Variants in XYLT1 observed in about 807,000 individuals in gnomAD.
XYLT1 encodes xylosyltransferase 1.
A neutral mutation model predicts 91.3 loss-of-function variants in XYLT1; 36 were observed. The ratio of observed to expected loss-of-function variants is 0.39; its 90% confidence interval spans 0.30 to 0.52. The LOEUF (loss-of-function observed/expected upper bound fraction) is 0.52, where lower values mean the gene tolerates loss of function less well. Ranked by LOEUF, XYLT1 falls within the 20% of genes least tolerant of loss-of-function variation. The pLI, the probability that XYLT1 is intolerant of heterozygous loss-of-function variation, is 0.68. For synonymous variants in XYLT1, 588 were observed against 532.0 expected (o/e 1.11, Z -1.45); for missense variants, 1,242 against 1,284.5 (o/e 0.97, Z 0.51).
intron 5 of XYLT1, among the ~76,000 whole-genome samples, chr16:17,164,765 T>C (rs2031639016): frequency 6.6e-6 from 1 of 152,254 alleles, no homozygotes; most frequent in Non-Finnish European, 1.5e-5. Context: ...TTTTTTTCCC[T>C]GTTACACATT....
At chr16:17,283,280 A>C (rs888379646) in intron 2 of XYLT1, among the ~76,000 whole-genome samples, 4 of 152,188 alleles carry the variant, frequency 2.6e-5, no homozygotes, top group African/African-American at 9.7e-5. Context: ...AGCTGTAATA[A>C]GTGAATTGTT....
intron 2 of XYLT1, among the ~76,000 whole-genome samples, chr16:17,270,547 T>C (rs1408835554): frequency 2.0e-5 from 3 of 151,850 alleles, no homozygotes; most frequent in Non-Finnish European, 4.4e-5. Flanking sequence ...GAGGGCGAAA[T>C]AATGGCAGAG....
chr16:17,150,855 G>A (rs2141531901), intron 6 of XYLT1, among the ~76,000 whole-genome samples: 1 of 152,284 alleles, frequency 6.6e-6, no homozygotes, highest in African/African-American at 2.4e-5. Flanking sequence ...GCTTCACTGA[G>A]GAGCAGGTGG....
At chr16:17,131,591 C>T (rs1383194831) in intron 9 of XYLT1, among the ~76,000 whole-genome samples, 1 of 152,134 alleles carries the variant, frequency 6.6e-6, no homozygotes, top group East Asian at 1.9e-4. Context: ...CAATAAAATG[C>T]TGACATCCTT....
chr16:17,245,802 T>C (rs1400755458), intron 3 of XYLT1, among the ~76,000 whole-genome samples: 8 of 152,332 alleles, frequency 5.3e-5, no homozygotes, highest in African/African-American at 1.9e-4. Context: ...TTTGTCATTT[T>C]TACACTAACA....
Position 17,134,698 on chromosome 16 carries a change from T to C in XYLT1, c.1802A>G (p.Glu601Gly). 2 of 1,614,130 alleles carry C rather than the reference T, an allele frequency of 1.2e-6. No homozygotes were observed. Among genetic ancestry groups the C allele is most frequent in the Non-Finnish European group, 1.7e-6 (2 of 1,180,024 alleles). ...ARPTFFARKF[E>G]AVVNQEIIGQ... Reference sequence around the variant, plus strand: ...AATGATTTCCTGATTCACCACGGCTTCAAACTTGCGGGCAAAGAAGGTAGG... The same window carrying C: ...AATGATTTCCTGATTCACCACGGCTCCAAACTTGCGGGCAAAGAAGGTAGG... Residue 601 changes from glutamate (E) to glycine (G), a missense_variant, in exon 9 of 12, where the codon GAA becomes GGA. Physicochemically the swap from Glu to Gly is moderately conservative, Grantham distance 98 (BLOSUM62 -2). Around this residue, in one of 3 missense-constraint regions of XYLT1, gnomAD observed 511 missense variants for 497.0 expected, o/e 1.03. Coordinates refer to ENST00000261381, the MANE Select transcript of XYLT1 (RefSeq NM_022166.4).
At chr16:17,222,892 C>T (rs910513857) in intron 3 of XYLT1, among the ~76,000 whole-genome samples, 1 of 151,792 alleles carries the variant, frequency 6.6e-6, no homozygotes, top group African/African-American at 2.4e-5. Context: ...CTGTGACGGC[C>T]GCTCTTCGTG....
chr16:17,266,295 C>A (rs1054506147), intron 2 of XYLT1, among the ~76,000 whole-genome samples: 2 of 152,302 alleles, frequency 1.3e-5, no homozygotes, highest in African/African-American at 4.8e-5. Flanking sequence ...ATGGCACCTA[C>A]TTCCCAGGGA....
chr16:17,323,693 T>A (rs1163438165), intron 2 of XYLT1, among the ~76,000 whole-genome samples: 2 of 152,128 alleles, frequency 1.3e-5, no homozygotes, highest in Non-Finnish European at 2.9e-5. Flanking sequence ...TACTGCCACT[T>A]GCTCCTGTTC....
chr16:17,195,501 A>G (rs2032408748), intron 5 of XYLT1, among the ~76,000 whole-genome samples: 1 of 151,770 alleles, frequency 6.6e-6, no homozygotes, highest in South Asian at 2.1e-4. Flanking sequence ...GCTGGAGTAC[A>G]GTGGCGCGAT....
rs2033687182 is a variant in XYLT1, at chr16:17,259,373, C to T, written c.528G>A (p.Lys176=). The T allele has an allele frequency of 6.2e-7, 1 of 1,614,062 alleles. No homozygotes were observed. The highest frequency in any genetic ancestry group is 1.3e-5 in the African/African-American group (1 of 74,914). Residue 176 remains lysine (K), a synonymous_variant, in exon 3 of 12, where the codon AAG becomes AAA. Transcript: ENST00000261381. ...SNFAPRTQKQ[K]HQPELAKKPP... is the part of the protein sequence containing the mutation. The stretch of plus-strand genomic sequence containing the variant: ...GCTTCTTCGCCAACTCAGGCTGGTG[C>T]TTCTGCTTTTGAGTCCTGGGTGCGA...
At chr16:17,376,483 T>C (rs2035603083) in intron 1 of XYLT1, among the ~76,000 whole-genome samples, 1 of 152,204 alleles carries the variant, frequency 6.6e-6, no homozygotes, top group Non-Finnish European at 1.5e-5. Flanking sequence ...TGCTCACAGC[T>C]GCATCTGAAG....
At chr16:17,389,124 C>G (rs1052800442) in intron 1 of XYLT1, among the ~76,000 whole-genome samples, 3 of 152,236 alleles carry the variant, frequency 2.0e-5, no homozygotes, top group Admixed American at 6.5e-5. Flanking sequence ...ATTCCTTTAA[C>G]CTTTGTTCTT....
At chr16:17,421,218 T>C (rs2036247998) in intron 1 of XYLT1, among the ~76,000 whole-genome samples, 1 of 152,210 alleles carries the variant, frequency 6.6e-6, no homozygotes, top group East Asian at 1.9e-4. Flanking sequence ...ATTCTTTTTA[T>C]GGGATTCTAA....
chr16:17,179,619 T>C (rs2141566304), intron 5 of XYLT1, among the ~76,000 whole-genome samples: 1 of 152,330 alleles, frequency 6.6e-6, no homozygotes, highest in African/African-American at 2.4e-5. Flanking sequence ...GCTTGCTTTC[T>C]TTACTGCCAT....
rs140712047 is a variant in XYLT1 at position 17,204,235 on chromosome 16, T to C, written c.914-3581A>G. Among the ~76,000 whole-genome samples, 747 of 152,342 alleles carry C rather than the reference T, an allele frequency of 4.9e-3. 13 individuals are homozygous for C. The highest frequency in any genetic ancestry group is 0.017 in the African/African-American group (726 of 41,582). On this transcript the variant is annotated intron_variant, in intron 3 of 11. Coordinates refer to ENST00000261381, the MANE Select transcript of XYLT1 (RefSeq NM_022166.4). ...CTTGGATGTTGATGCTGAGGTCTTTTACAACTTCTCTTTAGAGTTTTAAAA... is the reference window on the plus strand; with the variant it reads ...CTTGGATGTTGATGCTGAGGTCTTTCACAACTTCTCTTTAGAGTTTTAAAA...
chr16:17,108,788 G>A lies in XYLT1; in HGVS notation c.2787C>T (p.Val929=). 1 of 1,611,134 alleles carries A rather than the reference G, an allele frequency of 6.2e-7. No individual in the cohort carries two copies. Reference sequence around the variant, plus strand: ...AGGCCGTCTGGCTGCAGGTCTGCATGACCGGGCAGGCTGTGGGGCCCGTGG... The same window carrying A: ...AGGCCGTCTGGCTGCAGGTCTGCATAACCGGGCAGGCTGTGGGGCCCGTGG... ...ICATGPTACP[V]MQTCSQTAWS... is the part of the protein sequence containing the mutation. The change falls in exon 12 of 12, where the codon GTC becomes GTT. Residue 929 remains valine, a synonymous_variant. Coordinates refer to ENST00000261381, the MANE Select transcript of XYLT1 (RefSeq NM_022166.4).
At chr16:17,294,670 C>T (rs1041041190) in intron 2 of XYLT1, among the ~76,000 whole-genome samples, 56 of 152,226 alleles carry the variant, frequency 3.7e-4, no homozygotes, top group African/African-American at 1.3e-3. Flanking sequence ...CCCTGCTGCC[C>T]TGGGTGAGGA....
intron 1 of XYLT1, among the ~76,000 whole-genome samples, chr16:17,372,656 C>T (rs1031995358): frequency 1.3e-5 from 2 of 152,340 alleles, no homozygotes; most frequent in Admixed American, 6.5e-5. Context: ...TCATTATCTT[C>T]TTCCGTGTGA....
Sources: gnomAD v4.1 joint callset for allele counts (sites outside exome capture counted in the v4.1 genomes callset) on GRCh38, gnomAD v4.1.1 for gene constraint, gnomAD v4.1.1 regional missense constraint, MANE v1.5 for transcripts, NCBI Gene and HGNC (gene_info 2026-07-23, HGNC 2026-07-21) for gene names.